PTPN14: variants seen among roughly 807,000 people sequenced by gnomAD.
PTPN14 encodes the protein protein tyrosine phosphatase non-receptor type 14.
In PTPN14, 53 loss-of-function variants were observed where a neutral mutation model predicts 126.8. That is an observed-to-expected ratio of 0.42 (90% confidence interval 0.34 to 0.53). The LOEUF (loss-of-function observed/expected upper bound fraction) is 0.53, where lower values mean the gene tolerates loss of function less well. PTPN14 is among the 20% of genes least tolerant of loss of function. PTPN14 has a pLI of 0.08. For missense variants in PTPN14, 1,257 were observed against 1,552.9 expected, an observed-to-expected ratio of 0.81 and a Z score of 3.20; for synonymous variants, 630 against 599.3, an observed-to-expected ratio of 1.05 and a Z score of -0.75.
chr1:214,508,412 C>G (rs1338139099), intron 1 of PTPN14, among the ~76,000 whole-genome samples: 2 of 152,136 alleles, frequency 1.3e-5, no homozygotes, highest in Admixed American at 6.5e-5. Flanking sequence ...TTTTGCTCAT[C>G]CATAAAAAGT....
Position 214,383,224 on chromosome 1 carries a change from G to A in PTPN14, c.2544+87C>T, listed in dbSNP as rs1294443025. On this transcript the variant is annotated intron_variant, in intron 13 of 18. Coordinates refer to ENST00000366956, the MANE Select transcript of PTPN14 (RefSeq NM_005401.5). The surrounding 1 kb of genome is among the most constrained non-coding windows in gnomAD (Gnocchi z 4.4). ...CAATGATTCCTTAAAAACCTACCACGTTCCCTGCATAAGCCCTGCCCCTTG... is the reference window on the plus strand; with the variant it reads ...CAATGATTCCTTAAAAACCTACCACATTCCCTGCATAAGCCCTGCCCCTTG... 2.8e-5 allele frequency: 41 copies of A among 1,453,634 alleles called. No individual in the cohort carries two copies. The highest frequency in any genetic ancestry group is 4.1e-5 in the South Asian group (3 of 73,132). 90.0% of individuals were successfully genotyped at this position (1,453,634 alleles called of 1,614,324 possible). A position where few individuals can be genotyped will look rare whatever the true frequency, so the allele number is the denominator to read the frequency against.
intron 1 of PTPN14, chr1:214,532,385 TG>T: frequency 1.6e-6 from 1 of 640,466 alleles, no homozygotes; most frequent in Non-Finnish European, 2.8e-6. Context: ...CAGGGATGGC[TG>T]GGGGCCTGGC....
At chr1:214,360,103 G>A (rs905277142) in intron 18 of PTPN14, among the ~76,000 whole-genome samples, 3 of 152,162 alleles carry the variant, frequency 2.0e-5, no homozygotes, top group African/African-American at 4.8e-5. Context: ...CTTAACCCAG[G>A]GCAAATGATG....
chr1:214,397,876 T>TA, intron 8 of PTPN14, 37 bp downstream of exon 8: 8 of 1,508,636 alleles, frequency 5.3e-6, no homozygotes, highest in Non-Finnish European at 7.3e-6. Flanking sequence ...TTCCTCAAGG[T>TA]AAAAAAGAAA....
intron 12 of PTPN14, 114 bp downstream of exon 12, chr1:214,386,730 G>C: frequency 9.0e-7 from 1 of 1,105,772 alleles, no homozygotes; most frequent in Non-Finnish European, 1.3e-6. Context: ...TCATTCAGAC[G>C]ATGACAAAGT....
intron 1 of PTPN14, among the ~76,000 whole-genome samples, chr1:214,539,949 TAAAA>T (rs1388085972): frequency 1.6e-4 from 24 of 152,304 alleles, no homozygotes; most frequent in African/African-American, 5.8e-4. Flanking sequence ...ACTTCTTAGG[TAAAA>T]CAATAATTTT....
chr1:214,414,493 T>A, intron 4 of PTPN14, 136 bp downstream of exon 4: 1 of 846,850 alleles, frequency 1.2e-6, no homozygotes, highest in Admixed American at 2.3e-5. Context: ...ATTTTTCACG[T>A]AAGATAACTT....
chr1:214,428,483 A>G (rs1659719470), intron 3 of PTPN14, among the ~76,000 whole-genome samples: 1 of 152,252 alleles, frequency 6.6e-6, no homozygotes, highest in African/African-American at 2.4e-5. Context: ...TCATTTTAAA[A>G]GAGGAAGTAT....
chr1:214,430,991 G>T (rs1301830938), intron 3 of PTPN14, among the ~76,000 whole-genome samples: 2 of 152,188 alleles, frequency 1.3e-5, no homozygotes, highest in African/African-American at 4.8e-5. Flanking sequence ...ATGCCCAGAG[G>T]TGAGTCTGGA....
intron 15 of PTPN14, among the ~76,000 whole-genome samples, chr1:214,375,802 T>C (rs1462124773): frequency 6.6e-6 from 1 of 152,190 alleles, no homozygotes; most frequent in East Asian, 1.9e-4. Context: ...TGCAGTATTA[T>C]AAGGGAAAAA....
In PTPN14 at chr1:214,405,284, G is replaced by A. The variant is rs934122415; in HGVS notation, c.511-2331C>T. ...CTTCCCCTTGTGCGTGTCTCTTCTC[G>A]TATTCTGCCTACTGCATTTCTTACA... On this transcript the variant is annotated intron_variant, in intron 5 of 18. Transcript: ENST00000366956. Among the ~76,000 whole-genome samples the A allele has an allele frequency of 9.9e-5, 15 of 152,006 alleles. No individual in the cohort carries two copies. The East Asian group carries it at 1.7e-3, about 18-fold the overall frequency.
intron 3 of PTPN14, among the ~76,000 whole-genome samples, chr1:214,436,016 G>A (rs1659905516): frequency 6.6e-6 from 1 of 152,064 alleles, no homozygotes; most frequent in Admixed American, 6.6e-5. Flanking sequence ...GTGGTAGACT[G>A]GATAAAGAAA....
At chr1:214,456,257 T>C (rs1428343768) in intron 2 of PTPN14, among the ~76,000 whole-genome samples, 1 of 152,198 alleles carries the variant, frequency 6.6e-6, no homozygotes, top group Non-Finnish European at 1.5e-5. Context: ...TTGTAATAGG[T>C]TGCCTATCTT....
At chr1:214,410,953 A>G (rs1659294278) in intron 5 of PTPN14, among the ~76,000 whole-genome samples, 1 of 152,190 alleles carries the variant, frequency 6.6e-6, no homozygotes, top group Non-Finnish European at 1.5e-5. Context: ...GTGACTCCAA[A>G]TGAATTTTAG....
chr1:214,550,864 G>A (rs141769838), intron 1 of PTPN14, among the ~76,000 whole-genome samples: 355 of 152,298 alleles, frequency 2.3e-3, no homozygotes, highest in African/African-American at 8.4e-3. Context: ...CCCTTCCGAG[G>A]CCCTCTCTCG....
At chr1:214,444,950 A>C (rs1310129120) in intron 3 of PTPN14, among the ~76,000 whole-genome samples, 1 of 152,200 alleles carries the variant, frequency 6.6e-6, no homozygotes, top group African/African-American at 2.4e-5. Context: ...CTGGTACCTA[A>C]ACAGCACAGC....
intron 1 of PTPN14, chr1:214,532,629 C>G: frequency 1.1e-6 from 1 of 895,070 alleles, no homozygotes; most frequent in Admixed American, 1.7e-5. Context: ...ACAATGCCTG[C>G]ATCGTTCTGC....
At chr1:214,404,195 T>C (rs907614625) in intron 5 of PTPN14, among the ~76,000 whole-genome samples, 1 of 152,180 alleles carries the variant, frequency 6.6e-6, no homozygotes, top group Non-Finnish European at 1.5e-5. Context: ...AATCAATATA[T>C]TTTAAAACTG....
chr1:214,541,154 T>A (rs527997494), intron 1 of PTPN14, among the ~76,000 whole-genome samples: 13 of 152,044 alleles, frequency 8.6e-5, no homozygotes, highest in Admixed American at 8.5e-4. Context: ...TTATCCCTAA[T>A]AATAAAAAGG....
Sources: gnomAD v4.1 joint callset for allele counts (sites outside exome capture counted in the v4.1 genomes callset) on GRCh38, gnomAD v4.1.1 for gene constraint, Gnocchi (gnomAD v3.1) non-coding constraint, MANE v1.5 for transcripts, NCBI Gene and HGNC (gene_info 2026-07-23, HGNC 2026-07-21) for gene names.